ZNF496: variants seen among roughly 807,000 people sequenced by gnomAD.
ZNF496 encodes the protein zinc finger protein 496.
A neutral mutation model predicts 58.9 loss-of-function variants in ZNF496; 11 were observed. The observed-to-expected ratio is 0.19, with a 90% confidence interval of 0.12 to 0.31. The LOEUF is 0.31. Ranked by LOEUF, ZNF496 falls within the 10% of genes least tolerant of loss-of-function variation. ZNF496 has a pLI of 1.00. For synonymous variants in ZNF496, 338 were observed against 318.2 expected, an observed-to-expected ratio of 1.06 and a Z score of -0.66; for missense variants, 660 against 783.0, an observed-to-expected ratio of 0.84 and a Z score of 1.88.
chr1:247,321,044 C>T (rs1378596896), intron 6 of ZNF496, among the ~76,000 whole-genome samples: 3 of 152,024 alleles, frequency 2.0e-5, no homozygotes, highest in East Asian at 3.9e-4. Flanking sequence ...AGCGTGGTTG[C>T]GGGTGCCTGT....
chr1:247,328,383 C>A (rs1331541900), intron 5 of ZNF496, among the ~76,000 whole-genome samples: 1 of 152,158 alleles, frequency 6.6e-6, no homozygotes, highest in Non-Finnish European at 1.5e-5. Context: ...ATCAAACTGA[C>A]AAATCCTGCA....
Position 247,323,202 on chromosome 1 carries a change from T to C in ZNF496, c.603A>G (p.Glu201=). 2 of 1,614,108 alleles carry C rather than the reference T, an allele frequency of 1.2e-6. No homozygotes were observed. Among genetic ancestry groups the C allele is most frequent in the Non-Finnish European group, 8.5e-7 (1 of 1,179,958 alleles). ...PVLQDAFLLQ[E]ENVRDTQQVT... ...CCTGCTGTGTGTCCCGCACATTCTCTTCCTGAAGAAGGAAAGCATCTTGCA... is the reference window on the plus strand; with the variant it reads ...CCTGCTGTGTGTCCCGCACATTCTCCTCCTGAAGAAGGAAAGCATCTTGCA... Residue 201 remains glutamate, a synonymous_variant, in exon 6 of 10, where the codon GAA becomes GAG. Coordinates refer to ENST00000682384, the MANE Select transcript of ZNF496 (RefSeq NM_032752.3).
At chr1:247,326,195 G>T (rs563481703) in intron 5 of ZNF496, among the ~76,000 whole-genome samples, 1 of 150,392 alleles carries the variant, frequency 6.6e-6, no homozygotes, top group Non-Finnish European at 1.5e-5. Flanking sequence ...TTTTGGCCCC[G>T]ATAAATGAAT....
In ZNF496 at chr1:247,329,489, G is replaced by A. The variant is rs1558159853; in HGVS notation, c.90C>T (p.Ser30=). The A allele has an allele frequency of 1.2e-6, 2 of 1,603,120 alleles. No homozygotes were observed. Among genetic ancestry groups the A allele is most frequent in the Non-Finnish European group, 1.7e-6 (2 of 1,176,378 alleles). The change falls in exon 4 of 10, where the codon AGC becomes AGT. Residue 30 remains serine (S), a synonymous_variant. Coordinates refer to ENST00000682384, the MANE Select transcript of ZNF496 (RefSeq NM_032752.3). The surrounding 1 kb of genome is among the most constrained non-coding windows in gnomAD (Gnocchi z 5.5). ...KMRSPPGENP[S]PQGELPSPES... ...CGGGGCTGGGAAGCTCCCCCTGGGG[G>A]CTAGGGTTCTCTCCAGGTGGGCTCC...
intron 9 of ZNF496, chr1:247,304,050 A>G (rs1170351473): frequency 4.5e-6 from 2 of 442,712 alleles, no homozygotes; most frequent in Non-Finnish European, 4.5e-6. Flanking sequence ...AAACACTGCC[A>G]GCTGGAACTG....
chr1:247,323,235 AAG>A lies in ZNF496; in HGVS notation c.575-7_575-6del. On this transcript the variant is annotated splice_polypyrimidine_tract_variant and splice_region_variant and intron_variant, in intron 5 of 9. Coordinates refer to ENST00000682384, the MANE Select transcript of ZNF496 (RefSeq NM_032752.3). The stretch of plus-strand genomic sequence containing the variant: ...GAAGGAAAGCATCTTGCAGAACTGA[AAG>A]AGATCAGAAAATGGTGTCCTAAAGT... The A allele has an allele frequency of 6.2e-7, 1 of 1,613,550 alleles. No individual in the cohort carries two copies. Among genetic ancestry groups the A allele is most frequent in the African/African-American group, 1.3e-5 (1 of 75,026 alleles).
chr1:247,322,731 T>C (rs1483603056), intron 6 of ZNF496: 1 of 1,290,372 alleles, frequency 7.7e-7, no homozygotes, highest in East Asian at 5.5e-5. Context: ...AAATTATCTG[T>C]GCTTTCTTCC....
chr1:247,323,040 G>T, intron 6 of ZNF496, 114 bp downstream of exon 6: 1 of 882,880 alleles, frequency 1.1e-6, no homozygotes. Context: ...TTCTGGGCTG[G>T]GACTGAACAT....
At chr1:247,311,442 C>G (rs866964208) in intron 6 of ZNF496, 1 of 147,234 alleles carries the variant, frequency 6.8e-6, no homozygotes, top group African/African-American at 2.6e-5. Context: ...CACACACACA[C>G]ACACACACAC....
intron 6 of ZNF496, chr1:247,312,037 A>G (rs1221225933): frequency 2.0e-5 from 3 of 152,210 alleles, no homozygotes; most frequent in Non-Finnish European, 4.4e-5. Context: ...CTCAGTTTCA[A>G]TGGCAAAACC....
rs1659561833 is a variant in ZNF496, at chr1:247,310,371, T to C, written c.737A>G (p.Tyr246Cys). Residue 246 changes from tyrosine to cysteine, a missense_variant, in exon 7 of 10, where the codon TAT becomes TGT. By Grantham distance (194) the Tyr-to-Cys change is radical. Transcript: ENST00000682384. ...ATCCTCCCCAATGATGAACTCTCCA[T>C]AGAAGCCAGTCTGGGCAGGATCTAG... The part of the protein sequence containing the change: ...SLLDPAQTGF[Y>C]GEFIIGEDYG... 1 of 1,614,008 alleles carries C rather than the reference T, an allele frequency of 6.2e-7. No homozygotes were observed. The highest frequency in any genetic ancestry group is 8.5e-7 in the Non-Finnish European group (1 of 1,180,018).
At chr1:247,303,479 G>A (rs765201230) in intron 9 of ZNF496, among the ~76,000 whole-genome samples, 4 of 152,168 alleles carry the variant, frequency 2.6e-5, no homozygotes, top group African/African-American at 4.8e-5. Flanking sequence ...GGAGAGGCCA[G>A]GAGAGTTCTG....
At chr1:247,301,359 T>C in intron 9 of ZNF496, 83 bp from the exon 10 acceptor site, 1 of 1,461,348 alleles carries the variant, frequency 6.8e-7, no homozygotes, top group Non-Finnish European at 9.0e-7. Flanking sequence ...AACACTCAGC[T>C]TGGAGTTTAC....
intron 9 of ZNF496, chr1:247,307,922 G>A: frequency 1.0e-6 from 1 of 985,400 alleles, no homozygotes; most frequent in Non-Finnish European, 1.2e-6. Flanking sequence ...CTGAAAGCAG[G>A]AATGGAACAT....
chr1:247,329,135 A>C lies in ZNF496; in HGVS notation c.390+54T>G. 9 of 1,611,642 alleles carry C rather than the reference A, an allele frequency of 5.6e-6. No homozygotes were observed. Among genetic ancestry groups the C allele is most frequent in the Non-Finnish European group, 7.6e-6 (9 of 1,179,250 alleles). The stretch of plus-strand genomic sequence containing the variant: ...CAGCCAGCACATGCATGGCCCAGCC[A>C]AAGTGTCTAAGTACCAGATCTCTAC... On this transcript the variant is annotated intron_variant, in intron 4 of 9. Coordinates refer to ENST00000682384, the MANE Select transcript of ZNF496 (RefSeq NM_032752.3). The surrounding 1 kb of genome is among the most constrained non-coding windows in gnomAD (Gnocchi z 5.5).
At chr1:247,323,843 G>A (rs1572091639) in intron 5 of ZNF496, among the ~76,000 whole-genome samples, 3 of 152,070 alleles carry the variant, frequency 2.0e-5, no homozygotes, top group Admixed American at 1.3e-4. Context: ...GTCTGGATGT[G>A]GTGGCTCATG....
At chr1:247,316,169 T>TGC (rs1260172370) in intron 6 of ZNF496, among the ~76,000 whole-genome samples, 3 of 134,674 alleles carry the variant, frequency 2.2e-5, no homozygotes, top group East Asian at 2.0e-4. Flanking sequence ...TGTGTGTGTG[T>TGC]GTGCACGACT....
intron 6 of ZNF496, among the ~76,000 whole-genome samples, chr1:247,315,190 A>G (rs1572082751): frequency 6.6e-6 from 1 of 151,842 alleles, no homozygotes; most frequent in Admixed American, 6.6e-5. Context: ...ATTATGCGTC[A>G]ATTGTACATA....
chr1:247,308,363 G>C lies in ZNF496; in HGVS notation c.1006+112C>G, dbSNP rs1258305638. On this transcript the variant is annotated intron_variant, in intron 9 of 9. Transcript: ENST00000682384. The surrounding 1 kb of genome is among the most constrained non-coding windows in gnomAD (Gnocchi z 4.5). ...CCACATATACCACATGTGTATGCAC[G>C]CACACATGCATTCAACACAACCATC... The C allele has an allele frequency of 1.1e-6, 1 of 941,462 alleles. No individual in the cohort carries two copies. The highest frequency in any genetic ancestry group is 1.6e-5 in the African/African-American group (1 of 61,548). The allele number at this position is 941,462 out of a possible 1,614,324, so 58.3% of individuals were successfully genotyped here.
Sources: gnomAD v4.1 joint callset for allele counts (sites outside exome capture counted in the v4.1 genomes callset) on GRCh38, gnomAD v4.1.1 for gene constraint, Gnocchi (gnomAD v3.1) non-coding constraint, MANE v1.5 for transcripts, NCBI Gene and HGNC (gene_info 2026-07-23, HGNC 2026-07-21) for gene names.